Variants in SCAMP1 observed in about 807,000 individuals in gnomAD.
SCAMP1 encodes secretory carrier-associated membrane protein 1.
A neutral mutation model predicts 41.8 loss-of-function variants in SCAMP1; 15 were observed. The observed-to-expected ratio is 0.36, with a 90% CI of 0.24 to 0.55. SCAMP1 has a LOEUF of 0.55. Ranked by LOEUF, SCAMP1 falls within the 20% of genes least tolerant of loss-of-function variation. The pLI, the probability that SCAMP1 is intolerant of heterozygous loss-of-function variation, is 0.86. For synonymous variants in SCAMP1, 135 were observed against 136.8 expected, an observed-to-expected ratio of 0.99 and a Z score of 0.09; for missense variants, 341 against 412.6, an observed-to-expected ratio of 0.83 and a Z score of 1.50.
At chr5:78,388,598 G>C (rs1376100308) in intron 1 of SCAMP1, among the ~76,000 whole-genome samples, 1 of 152,084 alleles carries the variant, frequency 6.6e-6, no homozygotes, top group Non-Finnish European at 1.5e-5. Flanking sequence ...TGATGTAATA[G>C]CTTGCAGCTG....
chr5:78,472,344 C>T (rs1451545248), intron 8 of SCAMP1, among the ~76,000 whole-genome samples: 1 of 151,940 alleles, frequency 6.6e-6, no homozygotes, highest in East Asian at 1.9e-4. Flanking sequence ...ACCCATCAAC[C>T]CATTATCTAC....
At chr5:78,404,166 C>T (rs1751872181) in intron 2 of SCAMP1, among the ~76,000 whole-genome samples, 1 of 150,534 alleles carries the variant, frequency 6.6e-6, no homozygotes, top group African/African-American at 2.4e-5. Context: ...CTTGTATGCT[C>T]ATGCTTGCTT....
intron 6 of SCAMP1, among the ~76,000 whole-genome samples, chr5:78,432,606 G>A (rs1752650787): frequency 6.6e-6 from 1 of 152,026 alleles, no homozygotes; most frequent in Non-Finnish European, 1.5e-5. Context: ...TATTTAGTGT[G>A]TCTTGTTTTC....
chr5:78,415,983 T>C (rs928026317), intron 3 of SCAMP1, among the ~76,000 whole-genome samples: 5 of 152,198 alleles, frequency 3.3e-5, no homozygotes, highest in Admixed American at 2.0e-4. Flanking sequence ...AGGTAGAAGA[T>C]GGCAAAAATC....
At chr5:78,411,580 T>C (rs1752078133) in intron 2 of SCAMP1, among the ~76,000 whole-genome samples, 1 of 152,202 alleles carries the variant, frequency 6.6e-6, no homozygotes, top group African/African-American at 2.4e-5. Context: ...CACTTATTTG[T>C]CCAAGCTTCC....
chr5:78,461,937 TTTTG>T (rs1457848384), intron 8 of SCAMP1, among the ~76,000 whole-genome samples: 2 of 152,206 alleles, frequency 1.3e-5, no homozygotes, highest in Non-Finnish European at 2.9e-5. Flanking sequence ...TTCAGACTCT[TTTTG>T]GTTCCATATG....
chr5:78,381,407 A>T (rs958952410), intron 1 of SCAMP1, among the ~76,000 whole-genome samples: 2 of 152,354 alleles, frequency 1.3e-5, no homozygotes, highest in Non-Finnish European at 2.9e-5. Context: ...TTTGTAGATG[A>T]TGGTGAGGGT....
In SCAMP1 at chr5:78,416,562, G is replaced by C. The variant is rs762607304; in HGVS notation, c.256G>C (p.Glu86Gln). ...IAKEHALAQA[E>Q]LLKRQEELER... ...TTAGGAACATGCATTGGCCCAAGCT[G>C]AACTTCTTAAGCGCCAGGAAGAACT... The change falls in exon 4 of 9, where the codon GAA becomes CAA. Residue 86 changes from glutamate to glutamine, a missense_variant. Transcript: ENST00000621999. 17 of 1,597,374 alleles carry C rather than the reference G, an allele frequency of 1.1e-5. No individual in the cohort carries two copies. The East Asian group carries it at 3.8e-4, about 36-fold the overall frequency.
chr5:78,456,255 A>G, intron 7 of SCAMP1, among the ~76,000 whole-genome samples: 1 of 146,274 alleles, frequency 6.8e-6, no homozygotes, highest in Non-Finnish European at 1.5e-5. Context: ...TTTGCTCGTT[A>G]GTTGATGCAG....
At chr5:78,429,364 A>ATT (rs35131102) in intron 6 of SCAMP1, among the ~76,000 whole-genome samples, 1 of 136,510 alleles carries the variant, frequency 7.3e-6, no homozygotes, top group African/African-American at 2.7e-5. Flanking sequence ...TTTTTTTTTA[A>ATT]TTTTTTTTTA....
chr5:78,414,307 G>C (rs990991028), intron 2 of SCAMP1, among the ~76,000 whole-genome samples: 13 of 151,642 alleles, frequency 8.6e-5, no homozygotes, highest in African/African-American at 3.1e-4. Context: ...TTTTGAGATG[G>C]AGTCTTGCTC....
At chr5:78,374,430 A>G (rs1025804495) in intron 1 of SCAMP1, among the ~76,000 whole-genome samples, 24 of 152,112 alleles carry the variant, frequency 1.6e-4, no homozygotes, top group African/African-American at 5.3e-4. Flanking sequence ...AATTGCTTCA[A>G]TAAGGGTAAG....
intron 2 of SCAMP1, among the ~76,000 whole-genome samples, chr5:78,389,430 T>G (rs1751431294): frequency 6.6e-6 from 1 of 152,180 alleles, no homozygotes; most frequent in African/African-American, 2.4e-5. Context: ...AGTATTTTTT[T>G]CTTTTAAAAA....
chr5:78,478,398 CAT>C lies in SCAMP1; in HGVS notation c.*2731_*2732del, dbSNP rs1276052103. Reference sequence around the variant, plus strand: ...TTTTAAAATATGTGTATAAGTCTGTCATGTGCTAAACAAAATAATATGAAAGA... The same window carrying C: ...TTTTAAAATATGTGTATAAGTCTGTCGTGCTAAACAAAATAATATGAAAGA... On this transcript the variant is annotated 3_prime_UTR_variant, in exon 9 of 9. Coordinates refer to ENST00000621999, the MANE Select transcript of SCAMP1 (RefSeq NM_004866.6). The C allele has an allele frequency of 6.6e-6, 1 of 152,550 alleles. No individual in the cohort carries two copies. The highest frequency in any genetic ancestry group is 2.4e-5 in the African/African-American group (1 of 41,420). The allele number at this position is 152,550 out of a possible 1,614,324, so 9.4% of individuals were successfully genotyped here.
intron 2 of SCAMP1, among the ~76,000 whole-genome samples, chr5:78,391,337 C>T (rs1252510091): frequency 6.6e-6 from 1 of 151,434 alleles, no homozygotes; most frequent in African/African-American, 2.4e-5. Flanking sequence ...AGGGGCTCCT[C>T]ACTTCCCAGT....
intron 6 of SCAMP1, among the ~76,000 whole-genome samples, chr5:78,429,156 T>C (rs116140736): frequency 0.018 from 2,694 of 152,230 alleles, 32 homozygotes; most frequent in Middle Eastern, 0.048. Flanking sequence ...TCCTTTTGCT[T>C]TATTAAACTG....
At chr5:78,360,832 G>C (rs923350491) in intron 1 of SCAMP1, 104 bp downstream of exon 1, 13 of 1,193,244 alleles carry the variant, frequency 1.1e-5, no homozygotes, top group Non-Finnish European at 1.5e-5. Flanking sequence ...GCTCCCCTTA[G>C]CAGCCCAGAG....
chr5:78,424,422 T>C (rs938576496), intron 6 of SCAMP1, among the ~76,000 whole-genome samples: 1 of 152,184 alleles, frequency 6.6e-6, no homozygotes, highest in Admixed American at 6.5e-5. Flanking sequence ...TTGTTATTTA[T>C]GTAGTTTACA....
rs375020122 is a variant in SCAMP1 at position 78,369,210 on chromosome 5, G to A, written c.57+8482G>A. 2.0e-5 allele frequency among the ~76,000 whole-genome samples: 3 copies of A among 151,864 alleles called. No homozygotes were observed. The East Asian group carries it at 5.8e-4, about 30-fold the overall frequency. On this transcript the variant is annotated intron_variant, in intron 1 of 8. Coordinates refer to ENST00000621999, the MANE Select transcript of SCAMP1 (RefSeq NM_004866.6). The stretch of plus-strand genomic sequence containing the variant: ...CAACCTCCACCACGCAGGTTCAAGC[G>A]ATTTTCCTGCCTTAGCCTCCCGAGT...
Sources: allele counts gnomAD v4.1 joint callset (sites outside exome capture counted in the v4.1 genomes callset), GRCh38; gene constraint gnomAD v4.1.1; transcripts MANE v1.5; gene names NCBI Gene and HGNC (gene_info 2026-07-23, HGNC 2026-07-21).